STOML1: variants seen among roughly 807,000 people sequenced by gnomAD.
STOML1 encodes the protein stomatin-like protein 1.
STOML1 carries 27 observed loss-of-function variants against 35.7 expected under a neutral mutation model. That is an observed-to-expected ratio of 0.76 (90% CI 0.56 to 1.04). The LOEUF (loss-of-function observed/expected upper bound fraction) is 1.04, where lower values mean the gene tolerates loss of function less well. STOML1 is among the 50% of genes least tolerant of loss of function. STOML1 has a pLI of 0.00. For missense variants in STOML1, 451 were observed against 527.1 expected, an observed-to-expected ratio of 0.86 and a Z score of 1.41; for synonymous variants, 219 against 227.9, an observed-to-expected ratio of 0.96 and a Z score of 0.35.
In STOML1 at chr15:73,990,419, G is replaced by A; in HGVS notation, c.172C>T (p.Leu58Phe). The change falls in exon 2 of 7, where the codon CTC (leucine) becomes TTC (phenylalanine). Residue 58 changes from leucine to phenylalanine, a missense_variant. Physicochemically the swap from Leu to Phe is conservative, Grantham distance 22 (BLOSUM62 0). Coordinates refer to ENST00000541638, the MANE Select transcript of STOML1 (RefSeq NM_004809.5). ...AGCAAGAACCCCAGGAAACTGATGAGGCCATGACAGAGGCAGGAGGGCCAG... is the reference window on the plus strand; with the variant it reads ...AGCAAGAACCCCAGGAAACTGATGAAGCCATGACAGAGGCAGGAGGGCCAG... Reference protein sequence around the residue: ...QSWPSCLCHGLISFLGFLLLL... With the variant: ...QSWPSCLCHGFISFLGFLLLL... The A allele has an allele frequency of 6.2e-7, 1 of 1,614,100 alleles. No individual in the cohort carries two copies. The highest frequency in any genetic ancestry group is 8.5e-7 in the Non-Finnish European group (1 of 1,179,994).
At chr15:73,994,564 T>A, upstream of STOML1, 1 of 575,960 alleles carries the variant, frequency 1.7e-6, no homozygotes, top group Non-Finnish European at 3.2e-6. Context: ...AAGTCAGCGG[T>A]AGGTCTGCAG....
In STOML1 at chr15:73,985,394, G is replaced by A; in HGVS notation, c.714C>T (p.Thr238=). 6.4e-7 allele frequency: 1 copy of A among 1,558,188 alleles called. No homozygotes were observed. The highest frequency in any genetic ancestry group is 8.6e-7 in the Non-Finnish European group (1 of 1,159,330). ...DSPAGPNLDS[T]LQQLALHFLG... The stretch of plus-strand genomic sequence containing the variant: ...GGAAGTGCAGGGCCAGCTGCTGGAG[G>A]GTGCTGTCCAGGTTGGGCCCAGCTG... The change falls in exon 5 of 7, where the codon ACC becomes ACT. Residue 238 remains threonine (T), a synonymous_variant. Transcript: ENST00000541638.
chr15:73,993,489 C>T (rs1022283693), upstream of STOML1, among the ~76,000 whole-genome samples: 1 of 152,232 alleles, frequency 6.6e-6, no homozygotes, highest in Non-Finnish European at 1.5e-5. Context: ...ATTTGGCTTT[C>T]ATGGACTGAT....
At chr15:73,993,019 T>C (rs1194766681), upstream of STOML1, among the ~76,000 whole-genome samples, 2 of 152,170 alleles carry the variant, frequency 1.3e-5, no homozygotes, top group Non-Finnish European at 2.9e-5. Flanking sequence ...TGTTAAGTAA[T>C]GGCCTGGCCA....
At chr15:73,989,880 C>T (rs2069212347) in intron 2 of STOML1, 2 of 161,724 alleles carry the variant, frequency 1.2e-5, no homozygotes, top group African/African-American at 2.4e-5. Flanking sequence ...AAGGGCAAGG[C>T]CTCCTTGGGC....
At position 73,980,747 on chromosome 15, in the gene STOML1, AAATTTAAATATTGGCTGGGT is replaced by A. The variant is rs1469808681; in HGVS notation, c.*3170_*3189del. 1 of 152,176 alleles carries A rather than the reference AAATTTAAATATTGGCTGGGT, an allele frequency of 6.6e-6. No individual in the cohort carries two copies. Among genetic ancestry groups the A allele is most frequent in the Non-Finnish European group, 1.5e-5 (1 of 68,038 alleles). 9.4% of individuals were successfully genotyped at this position (152,176 alleles called of 1,614,324 possible). On this transcript the variant is annotated 3_prime_UTR_variant, in exon 7 of 7. Coordinates refer to ENST00000541638, the MANE Select transcript of STOML1 (RefSeq NM_004809.5). The stretch of plus-strand genomic sequence containing the variant: ...ATCTTTTTAAATGTTTAGCCAACCA[AAATTTAAATATTGGCTGGGT>A]ACAGTGGCTCACACCTGTAATCCCA...
rs1348412618 is a variant in STOML1 at position 73,982,730 on chromosome 15, A to G, written c.*1207T>C. The G allele has an allele frequency of 6.6e-6, 1 of 152,122 alleles. No homozygotes were observed. The highest frequency in any genetic ancestry group is 1.5e-5 in the Non-Finnish European group (1 of 68,116). The allele number at this position is 152,122 out of a possible 1,614,324, so 9.4% of individuals were successfully genotyped here. The stretch of plus-strand genomic sequence containing the variant: ...CAAGGAGTAAGATTCCTTTCTTAGG[A>G]CTCAAGAAGTCAGAGGCCCCCTTCT... On this transcript the variant is annotated 3_prime_UTR_variant, in exon 7 of 7. Coordinates refer to ENST00000541638, the MANE Select transcript of STOML1 (RefSeq NM_004809.5).
rs2069061071 is a variant in STOML1 at position 73,985,416 on chromosome 15, G to C, written c.692C>G (p.Ala231Gly). ...GAGGGTGCTGTCCAGGTTGGGCCCA[G>C]CTGGGCTGTCCTGGGGCGGCTGGAG... ...AVLQPPQDSP[A>G]GPNLDSTLQQ... Residue 231 changes from alanine to glycine, a missense_variant, in exon 5 of 7, where the codon GCT (alanine) becomes GGT (glycine). Transcript: ENST00000541638. 6.4e-7 allele frequency: 1 copy of C among 1,563,166 alleles called. No individual in the cohort carries two copies.
At position 73,983,668 on chromosome 15, in the gene STOML1, C is replaced by T; in HGVS notation, c.*269G>A. The T allele has an allele frequency of 2.5e-6, 1 of 392,524 alleles. No homozygotes were observed. Among genetic ancestry groups the T allele is most frequent in the Non-Finnish European group, 4.6e-6 (1 of 218,310 alleles). 24.3% of individuals were successfully genotyped at this position (392,524 alleles called of 1,614,324 possible). ...GGGCAGGGCAGGCCTGGCTCTCCTC[C>T]TGGAATCACACCGTGCACCCAGCTC... On this transcript the variant is annotated 3_prime_UTR_variant, in exon 7 of 7. Transcript: ENST00000541638.
chr15:73,991,619 C>A, intron 1 of STOML1: 1 of 458,510 alleles, frequency 2.2e-6, no homozygotes, highest in Non-Finnish European at 4.4e-6. Flanking sequence ...CAACAGGCAG[C>A]TGAGGACCTG....
At chr15:73,985,225 T>C in intron 5 of STOML1, 93 bp downstream of exon 5, 1 of 1,335,200 alleles carries the variant, frequency 7.5e-7, no homozygotes, top group South Asian at 1.6e-5. Flanking sequence ...CTGTGCAGGG[T>C]GTGTACTGCA....
chr15:73,986,650 C>T, intron 4 of STOML1: 1 of 152,882 alleles, frequency 6.5e-6, no homozygotes, highest in Non-Finnish European at 1.5e-5. Context: ...GCTGGGTCGA[C>T]CATGTCAAAT....
rs2069300710 is a variant in STOML1 at position 73,992,173 on chromosome 15, G to A, written c.51C>T (p.Arg17=). 5 of 1,609,022 alleles carry A rather than the reference G, an allele frequency of 3.1e-6. No homozygotes were observed. Among genetic ancestry groups the A allele is most frequent in the Non-Finnish European group, 4.2e-6 (5 of 1,178,190 alleles). ...GAAAGCCGAAGCTCGACTGCTGGAA[G>A]CGGTCAAAATCACCCAGGGGCAGCG... The part of the protein sequence containing the change: ...YRALPLGDFD[R]FQQSSFGFLG... The change falls in exon 1 of 7, where the codon CGC becomes CGT. Residue 17 remains arginine, a synonymous_variant. Transcript: ENST00000541638.
intron 4 of STOML1, chr15:73,985,822 G>A: frequency 6.0e-6 from 2 of 333,864 alleles, no homozygotes; most frequent in Non-Finnish European, 1.1e-5. Flanking sequence ...AACCTGGCAT[G>A]TTCGTGGAGC....
At chr15:73,994,553 TA>T (rs953245934), upstream of STOML1, 2 of 561,904 alleles carry the variant, frequency 3.6e-6, no homozygotes, top group African/African-American at 3.8e-5. Flanking sequence ...CGCTTTACCG[TA>T]AGTCAGCGGT....
chr15:73,992,161 C>T lies in STOML1; in HGVS notation c.63G>A (p.Ser21=), dbSNP rs1567110167. ...PLGDFDRFQQ[S]SFGFLGSQKG... Reference sequence around the variant, plus strand: ...TCTGCGAGCCCAGAAAGCCGAAGCTCGACTGCTGGAAGCGGTCAAAATCAC... The same window carrying T: ...TCTGCGAGCCCAGAAAGCCGAAGCTTGACTGCTGGAAGCGGTCAAAATCAC... The change falls in exon 1 of 7, where the codon TCG becomes TCA. Residue 21 remains serine (S), a synonymous_variant. Coordinates refer to ENST00000541638, the MANE Select transcript of STOML1 (RefSeq NM_004809.5). The T allele has an allele frequency of 1.2e-6, 2 of 1,609,156 alleles. No individual in the cohort carries two copies. Among genetic ancestry groups the T allele is most frequent in the Admixed American group, 1.7e-5 (1 of 59,788 alleles).
At chr15:73,994,003 C>T (rs572040509), upstream of STOML1, among the ~76,000 whole-genome samples, 86 of 152,214 alleles carry the variant, frequency 5.6e-4, no homozygotes, top group Non-Finnish European at 9.7e-4. Flanking sequence ...CTGCATCCCA[C>T]AGCCACTGTC....
chr15:73,986,261 G>A (rs1450756535), intron 4 of STOML1: 4 of 151,494 alleles, frequency 2.6e-5, no homozygotes, highest in Admixed American at 2.6e-4. Context: ...GAGGGGGCGG[G>A]AGTGGGGAGG....
chr15:73,991,647 T>C (rs1243246155), intron 1 of STOML1: 1 of 461,090 alleles, frequency 2.2e-6, no homozygotes, highest in Admixed American at 2.3e-5. Context: ...GGCCTGCACA[T>C]CCAGGAGATG....
Sources: allele counts gnomAD v4.1 joint callset (sites outside exome capture counted in the v4.1 genomes callset), GRCh38; gene constraint gnomAD v4.1.1; transcripts MANE v1.5; gene names NCBI Gene and HGNC (gene_info 2026-07-23, HGNC 2026-07-21).